ZNF532: variants seen among roughly 807,000 people sequenced by gnomAD.
The protein encoded by ZNF532 is zinc finger protein 532.
ZNF532 carries 22 observed loss-of-function variants against 89.3 expected under a neutral mutation model. That is an observed-to-expected ratio of 0.25 (90% CI 0.18 to 0.35). The LOEUF (loss-of-function observed/expected upper bound fraction) is 0.35. Ranked by LOEUF, ZNF532 falls within the 10% of genes least tolerant of loss-of-function variation. The pLI, the probability that ZNF532 is intolerant of heterozygous loss-of-function variation, is 1.00. For missense variants in ZNF532, 1,132 were observed against 1,643.4 expected, an observed-to-expected ratio of 0.69 and a Z score of 5.38; for synonymous variants, 606 against 649.6, an observed-to-expected ratio of 0.93 and a Z score of 1.02.
intron 3 of ZNF532, among the ~76,000 whole-genome samples, chr18:58,930,627 C>CA (rs59983153): frequency 0.087 from 7,023 of 81,076 alleles, 764 homozygotes; most frequent in East Asian, 0.56. Context: ...GACTCCATCT[C>CA]AAAAAAAAAA....
chr18:58,925,321 G>A lies in ZNF532; in HGVS notation c.2346+4688G>A, dbSNP rs994450576. Among the ~76,000 whole-genome samples, 3 of 152,170 alleles carry A rather than the reference G, an allele frequency of 2.0e-5. No homozygotes were observed. The South Asian group carries it at 6.2e-4, about 32-fold the overall frequency. ...TTTTAGCCATTTTGATAGATGTGTG[G>A]TATTATTTTATTGTGGTTTCAATTC... On this transcript the variant is annotated intron_variant, in intron 3 of 9. Transcript: ENST00000591808.
At chr18:58,944,568 C>T (rs1265812469) in intron 5 of ZNF532, among the ~76,000 whole-genome samples, 1 of 152,110 alleles carries the variant, frequency 6.6e-6, no homozygotes, top group Non-Finnish European at 1.5e-5. Flanking sequence ...GCACACGGTG[C>T]CCAGTAGACC....
Position 58,888,810 on chromosome 18 carries a change from A to AT in ZNF532, c.-18+23231_-18+23232insT, listed in dbSNP as rs2058597645. 1.2e-3 allele frequency among the ~76,000 whole-genome samples: 14 copies of AT among 11,766 alleles called. 2 individuals are homozygous for AT. In the South Asian group the frequency reaches 0.04, roughly 33 times the overall value. 7.7% of individuals were successfully genotyped at this position (11,766 alleles called of 152,430 possible). ...AAAATATATATAATTTATATATATA[A>AT]AAAATTATATATATAAATTATATAT... On this transcript the variant is annotated intron_variant, in intron 2 of 9. Transcript: ENST00000591808.
chr18:58,864,284 GCT>G, upstream of ZNF532: 1 of 152,152 alleles, frequency 6.6e-6, no homozygotes, highest in Non-Finnish European at 1.5e-5. Flanking sequence ...TGGTGACAGG[GCT>G]GGGAGAGAGA....
chr18:58,968,526 A>G (rs2066145535), intron 7 of ZNF532, among the ~76,000 whole-genome samples: 1 of 152,166 alleles, frequency 6.6e-6, no homozygotes, highest in Non-Finnish European at 1.5e-5. Flanking sequence ...TGGCAGACCC[A>G]GGCCAGTGCC....
intron 2 of ZNF532, among the ~76,000 whole-genome samples, chr18:58,874,953 C>G (rs1273729877): frequency 6.6e-6 from 1 of 152,082 alleles, no homozygotes; most frequent in African/African-American, 2.4e-5. Context: ...TGGAACTACT[C>G]TGTTCAGTAG....
At chr18:58,956,375 T>A (rs1399588577) in intron 7 of ZNF532, among the ~76,000 whole-genome samples, 1 of 152,208 alleles carries the variant, frequency 6.6e-6, no homozygotes, top group East Asian at 1.9e-4. Context: ...TCCCTCAGCC[T>A]CCTGAGAGAA....
intron 5 of ZNF532, among the ~76,000 whole-genome samples, chr18:58,945,101 G>A (rs1265510744): frequency 1.3e-5 from 2 of 152,156 alleles, no homozygotes; most frequent in African/African-American, 4.8e-5. Context: ...TCTTATCTGG[G>A]TGTACATTTT....
In ZNF532 at chr18:58,984,329, C is replaced by T. The variant is rs145409654; in HGVS notation, c.3769C>T (p.Pro1257Ser). ...CAAACCCAGCCACGAGGATGAATCC[C>T]CTGATGGCGCCGTGTCAGACAGAAA... Reference protein sequence around the residue: ...ENKPSHEDESPDGAVSDRKCK... With the variant: ...ENKPSHEDESSDGAVSDRKCK... Residue 1257 changes from proline to serine, a missense_variant, in exon 10 of 10, where the codon CCT (proline) becomes TCT (serine). Transcript: ENST00000591808. 1.9e-6 allele frequency: 3 copies of T among 1,611,932 alleles called. No individual in the cohort carries two copies. The highest frequency in any genetic ancestry group is 4.5e-5 in the East Asian group (2 of 44,870).
intron 7 of ZNF532, among the ~76,000 whole-genome samples, chr18:58,972,351 C>CTG (rs1189444159): frequency 6.6e-6 from 1 of 152,120 alleles, no homozygotes; most frequent in Admixed American, 6.5e-5. Flanking sequence ...AGTGGGAAGG[C>CTG]TGTGTCATTA....
At chr18:58,967,625 C>T (rs2066056747) in intron 7 of ZNF532, among the ~76,000 whole-genome samples, 1 of 152,090 alleles carries the variant, frequency 6.6e-6, no homozygotes, top group Non-Finnish European at 1.5e-5. Flanking sequence ...ATAATCTCCT[C>T]AAGGGCATGG....
chr18:58,880,774 C>A (rs73959534), intron 2 of ZNF532, among the ~76,000 whole-genome samples: 23 of 142,242 alleles, frequency 1.6e-4, no homozygotes, highest in African/African-American at 5.0e-4. Flanking sequence ...GCGCGCGCGT[C>A]TGTGTGTGTG....
rs1188960384 is a variant in ZNF532 at position 58,880,769 on chromosome 18, C to CGTGTGTGTGTGTGT, written c.-18+15191_-18+15192insTGTGTGTGTGTGTG. On this transcript the variant is annotated intron_variant, in intron 2 of 9. Coordinates refer to ENST00000591808, the MANE Select transcript of ZNF532 (RefSeq NM_001375912.1). ...TCTCATAGGCGCGCGCGCACGCGCG[C>CGTGTGTGTGTGTGT]GCGTCTGTGTGTGTGTGTGTATGTT... is the stretch of plus-strand genomic sequence containing the variant. Among the ~76,000 whole-genome samples the CGTGTGTGTGTGTGT allele has an allele frequency of 1.7e-3, 229 of 131,192 alleles. 7 individuals carry two copies. In the East Asian group the frequency reaches 0.069, roughly 39 times the overall value. The allele number at this position is 131,192 out of a possible 152,430, so 86.1% of individuals were successfully genotyped here.
At chr18:58,983,898 AAG>A in intron 9 of ZNF532, 72 bp from the exon 10 acceptor site, 1 of 1,525,490 alleles carries the variant, frequency 6.6e-7, no homozygotes. Context: ...GCTCTAAAGT[AAG>A]AGAACCGATC....
In ZNF532 at chr18:58,965,317, G is replaced by T. The variant is rs147146922; in HGVS notation, c.3150+11518G>T. On this transcript the variant is annotated intron_variant, in intron 7 of 9. Coordinates refer to ENST00000591808, the MANE Select transcript of ZNF532 (RefSeq NM_001375912.1). The stretch of plus-strand genomic sequence containing the variant: ...CCTACTTACTATCTCATTGCAGCAG[G>T]CTCCTGAGGGGAGACAGTTACGAAT... 4.8e-3 allele frequency among the ~76,000 whole-genome samples: 734 copies of T among 152,254 alleles called. 3 individuals are homozygous for T. The highest frequency in any genetic ancestry group is 6.6e-3 in the Admixed American group (101 of 15,296).
chr18:58,941,982 CCCTCCTTCCCTT>C (rs2063108476), intron 5 of ZNF532, among the ~76,000 whole-genome samples: 1 of 130,648 alleles, frequency 7.7e-6, no homozygotes, highest in Admixed American at 7.7e-5. Flanking sequence ...CTCCCTCCTT[CCCTCCTTCCCTT>C]CCTTCCTTCC....
intron 4 of ZNF532, among the ~76,000 whole-genome samples, chr18:58,939,049 C>T (rs1345141576): frequency 1.3e-5 from 2 of 151,788 alleles, no homozygotes; most frequent in East Asian, 3.9e-4. Flanking sequence ...GAGTTTGAGA[C>T]CAGCTTGGCC....
intron 2 of ZNF532, among the ~76,000 whole-genome samples, chr18:58,915,699 T>G (rs1027459811): frequency 6.6e-6 from 1 of 152,236 alleles, no homozygotes; most frequent in Non-Finnish European, 1.5e-5. Flanking sequence ...AGAGCCATAT[T>G]AACCTTCCCA....
At position 58,888,757 on chromosome 18, in the gene ZNF532, AATTAATATATATAAT is replaced by A. The variant is rs1568245864; in HGVS notation, c.-18+23179_-18+23193del. On this transcript the variant is annotated intron_variant, in intron 2 of 9. Coordinates refer to ENST00000591808, the MANE Select transcript of ZNF532 (RefSeq NM_001375912.1). ...ATATATATATTTTATATATATATAA[AATTAATATATATAAT>A]TTATATATATATAAAATATATATAA... is the stretch of plus-strand genomic sequence containing the variant. Among the ~76,000 whole-genome samples, 45 of 35,718 alleles carry A rather than the reference AATTAATATATATAAT, an allele frequency of 1.3e-3. 1 individual carries two copies. The highest frequency in any genetic ancestry group is 2.9e-3 in the East Asian group (2 of 680). The allele number at this position is 35,718 out of a possible 152,430, so 23.4% of individuals were successfully genotyped here. A position where few individuals can be genotyped will look rare whatever the true frequency, so the allele number is the denominator to read the frequency against.
Sources: allele counts gnomAD v4.1 joint callset (sites outside exome capture counted in the v4.1 genomes callset), GRCh38; gene constraint gnomAD v4.1.1; transcripts MANE v1.5; gene names NCBI Gene and HGNC (gene_info 2026-07-23, HGNC 2026-07-21).